The following GPC6 variants were observed in gnomAD, a reference collection of about 807,000 sequenced individuals.
The protein encoded by GPC6 is glypican 6.
Under a neutral mutation model 55.2 loss-of-function variants are expected in GPC6, and 14 were observed. That is an observed-to-expected ratio of 0.25 (90% CI 0.17 to 0.40). GPC6 has a LOEUF of 0.40. Among genes scored for constraint, GPC6 ranks in the 10% least tolerant of loss-of-function variants. The probability of loss-of-function intolerance (pLI) is 1.00; values close to 1 mark genes in which losing one functional copy is unlikely to be tolerated. For synonymous variants in GPC6, 278 were observed against 259.6 expected (o/e 1.07, Z -0.68); for missense variants, 641 against 708.5 (o/e 0.90, Z 1.08).
At chr13:93,352,257 T>A (rs1880657594) in intron 1 of GPC6, among the ~76,000 whole-genome samples, 1 of 152,206 alleles carries the variant, frequency 6.6e-6, no homozygotes, top group Non-Finnish European at 1.5e-5. Flanking sequence ...TAGTAAATTA[T>A]CTTTTAAAGA....
chr13:93,581,668 C>T (rs1213308164), intron 2 of GPC6, among the ~76,000 whole-genome samples: 1 of 152,136 alleles, frequency 6.6e-6, no homozygotes, highest in Non-Finnish European at 1.5e-5. Flanking sequence ...TGCGCTGCTG[C>T]ACTCCAGCCT....
intron 1 of GPC6, among the ~76,000 whole-genome samples, chr13:93,543,653 A>T (rs1341493811): frequency 6.6e-6 from 1 of 152,150 alleles, no homozygotes; most frequent in Admixed American, 6.6e-5. Context: ...CCATCGGGAT[A>T]TCATCCTTTT....
chr13:94,322,054 T>G (rs147962347), intron 6 of GPC6, among the ~76,000 whole-genome samples: 9 of 152,278 alleles, frequency 5.9e-5, no homozygotes, highest in African/African-American at 1.9e-4. Flanking sequence ...CCACCCAAAT[T>G]TCATCTGAAT....
chr13:94,111,067 C>T (rs182935183), intron 4 of GPC6, among the ~76,000 whole-genome samples: 1 of 152,144 alleles, frequency 6.6e-6, no homozygotes, highest in Admixed American at 6.6e-5. Flanking sequence ...GATAGCATTT[C>T]CCTGATTGCT....
chr13:94,008,951 GCAAA>G lies in GPC6; in HGVS notation c.712-18771_712-18768del, dbSNP rs1231837492. 7.2e-5 allele frequency among the ~76,000 whole-genome samples: 11 copies of G among 152,074 alleles called. 1 individual carries two copies. Among genetic ancestry groups the G allele is most frequent in the East Asian group, 3.9e-4 (2 of 5,178 alleles). On this transcript the variant is annotated intron_variant, in intron 3 of 8. Transcript: ENST00000377047. ...ATTTAATAACCACCCTATCATTTCT[GCAAA>G]CAAACACATGTATATAAAGTAAAAT...
At chr13:93,907,696 C>CT (rs1236220039) in intron 3 of GPC6, among the ~76,000 whole-genome samples, 4 of 152,148 alleles carry the variant, frequency 2.6e-5, no homozygotes, top group African/African-American at 9.7e-5. Flanking sequence ...AGTCAGATCT[C>CT]TGAAGCTGTG....
chr13:93,790,767 TC>T (rs1209808079), intron 2 of GPC6, among the ~76,000 whole-genome samples: 5 of 152,176 alleles, frequency 3.3e-5, no homozygotes, highest in Non-Finnish European at 7.3e-5. Flanking sequence ...ATGTTATAAT[TC>T]ATATTCACAT....
In GPC6 at chr13:94,312,735, C is replaced by CACACACACACAT. The variant is rs757317085; in HGVS notation, c.1152+6619_1152+6620insCACATACACACA. Among the ~76,000 whole-genome samples, 157 of 140,656 alleles carry CACACACACACAT rather than the reference C, an allele frequency of 1.1e-3. 1 individual carries two copies. The highest frequency in any genetic ancestry group is 4.2e-3 in the African/African-American group (143 of 33,956). The allele number at this position is 140,656 out of a possible 152,430, so 92.3% of individuals were successfully genotyped here. A position where few individuals can be genotyped will look rare whatever the true frequency, so the allele number is the denominator to read the frequency against. ...ACACGCGCACGCACACACACACACA[C>CACACACACACAT]ACACACATGCACTCACCCTCAGTCT... On this transcript the variant is annotated intron_variant, in intron 6 of 8. Coordinates refer to ENST00000377047, the MANE Select transcript of GPC6 (RefSeq NM_005708.5).
At chr13:93,860,940 C>A (rs1888789078) in intron 3 of GPC6, among the ~76,000 whole-genome samples, 1 of 151,500 alleles carries the variant, frequency 6.6e-6, no homozygotes, top group Non-Finnish European at 1.5e-5. Context: ...AGGGAACAGG[C>A]ATTCTGGGTT....
At chr13:94,345,500 T>C (rs1398047480) in intron 6 of GPC6, among the ~76,000 whole-genome samples, 2 of 152,202 alleles carry the variant, frequency 1.3e-5, no homozygotes, top group East Asian at 3.8e-4. Context: ...TATTTAGGGC[T>C]CCTCAGATCT....
At chr13:93,533,747 T>C (rs574432233) in intron 1 of GPC6, among the ~76,000 whole-genome samples, 3 of 152,086 alleles carry the variant, frequency 2.0e-5, no homozygotes, top group African/African-American at 7.2e-5. Context: ...CCTGGGGTAG[T>C]TGATGGAACT....
intron 4 of GPC6, among the ~76,000 whole-genome samples, chr13:94,119,399 G>A (rs1886548325): frequency 6.6e-6 from 1 of 151,862 alleles, no homozygotes; most frequent in African/African-American, 2.4e-5. Flanking sequence ...CGTGGTCAGG[G>A]AAAGCTTCAC....
intron 3 of GPC6, among the ~76,000 whole-genome samples, chr13:93,845,993 A>G (rs1233358911): frequency 6.6e-6 from 1 of 152,046 alleles, no homozygotes; most frequent in African/African-American, 2.4e-5. Flanking sequence ...TAAAAAATAA[A>G]TAAATAAATA....
chr13:93,626,801 CAA>C (rs57272841), intron 2 of GPC6, among the ~76,000 whole-genome samples: 40 of 67,422 alleles, frequency 5.9e-4, no homozygotes, highest in Admixed American at 6.8e-4. Flanking sequence ...GACTGCATCT[CAA>C]AAAAAAAAAA....
chr13:94,055,908 C>T (rs1166339975), intron 4 of GPC6, among the ~76,000 whole-genome samples: 5 of 152,102 alleles, frequency 3.3e-5, no homozygotes, highest in Non-Finnish European at 5.9e-5. Context: ...CACTTGAGGA[C>T]CTGTCCAGAA....
intron 6 of GPC6, among the ~76,000 whole-genome samples, chr13:94,316,475 T>A (rs945907274): frequency 1.3e-5 from 2 of 152,098 alleles, no homozygotes; most frequent in African/African-American, 4.8e-5. Flanking sequence ...CCCAGCACTT[T>A]GGGAGGCCGA....
At position 93,462,830 on chromosome 13, in the gene GPC6, C is replaced by T. The variant is rs75546236; in HGVS notation, c.161-82433C>T. On this transcript the variant is annotated intron_variant, in intron 1 of 8. Transcript: ENST00000377047. ...GAATCAAAGGGGAAGCTCCACAAAG[C>T]GACTTCTTTGGTCCTGGCAGTGTCT... is the stretch of plus-strand genomic sequence containing the variant. 8.2e-3 allele frequency among the ~76,000 whole-genome samples: 1,245 copies of T among 152,096 alleles called. 18 individuals carry two copies. Among genetic ancestry groups the T allele is most frequent in the African/African-American group, 0.028 (1,164 of 41,490 alleles).
At chr13:94,003,190 A>C (rs532256993) in intron 3 of GPC6, among the ~76,000 whole-genome samples, 3 of 152,314 alleles carry the variant, frequency 2.0e-5, no homozygotes, top group African/African-American at 7.2e-5. Flanking sequence ...AACTCCAGTC[A>C]ATAAAGTATA....
chr13:93,578,276 A>C (rs1191960843), intron 2 of GPC6, among the ~76,000 whole-genome samples: 1 of 152,070 alleles, frequency 6.6e-6, no homozygotes, highest in African/African-American at 2.4e-5. Context: ...TTTCAGTAGA[A>C]TAGGTATTAG....
Sources: allele counts gnomAD v4.1 joint callset (sites outside exome capture counted in the v4.1 genomes callset), GRCh38; gene constraint gnomAD v4.1.1; transcripts MANE v1.5; gene names NCBI Gene and HGNC (gene_info 2026-07-23, HGNC 2026-07-21).